Variants in PRKG1 observed in about 807,000 individuals in gnomAD.
PRKG1 encodes cGMP-dependent protein kinase 1.
Under a neutral mutation model 88.1 loss-of-function variants are expected in PRKG1, and 35 were observed. That is an observed-to-expected ratio of 0.40 (90% CI 0.30 to 0.53). The LOEUF is 0.53. Ranked by LOEUF, PRKG1 falls within the 20% of genes least tolerant of loss-of-function variation. The pLI is 0.59. For missense variants in PRKG1, 540 were observed against 839.8 expected (o/e 0.64, Z 4.41); for synonymous variants, 303 against 292.5 (o/e 1.04, Z -0.37).
At chr10:51,765,252 C>T in intron 3 of PRKG1, among the ~76,000 whole-genome samples, 1 of 152,146 alleles carries the variant, frequency 6.6e-6, no homozygotes, top group East Asian at 1.9e-4. Context: ...GCATGATAGA[C>T]AGTGCAGGAG....
intron 2 of PRKG1, among the ~76,000 whole-genome samples, chr10:51,248,768 A>C (rs970006311): frequency 6.6e-6 from 1 of 151,800 alleles, no homozygotes; most frequent in Non-Finnish European, 1.5e-5. Flanking sequence ...CAGTATAACA[A>C]ATTCTATGTC....
chr10:51,583,198 T>C (rs1838087043), intron 3 of PRKG1, among the ~76,000 whole-genome samples: 1 of 152,140 alleles, frequency 6.6e-6, no homozygotes, highest in Non-Finnish European at 1.5e-5. Flanking sequence ...CAAAACTGAG[T>C]GCAAAGAGAG....
chr10:51,633,604 T>C (rs564783232), intron 3 of PRKG1, among the ~76,000 whole-genome samples: 3 of 152,276 alleles, frequency 2.0e-5, no homozygotes, highest in South Asian at 4.1e-4. Context: ...ATCTTCATTA[T>C]GGGGATAGAA....
At chr10:51,217,379 G>A (rs1169747891) in intron 2 of PRKG1, among the ~76,000 whole-genome samples, 2 of 152,086 alleles carry the variant, frequency 1.3e-5, no homozygotes, top group African/African-American at 4.8e-5. Flanking sequence ...TAAGTTTGGT[G>A]TGGGGAAAAA....
intron 5 of PRKG1, among the ~76,000 whole-genome samples, chr10:51,970,666 G>A (rs1329999863): frequency 3.4e-5 from 5 of 145,238 alleles, no homozygotes; most frequent in Admixed American, 2.8e-4. Flanking sequence ...TGACCATATT[G>A]TATACATGAT....
intron 4 of PRKG1, among the ~76,000 whole-genome samples, chr10:51,884,128 T>G (rs970776763): frequency 6.6e-6 from 1 of 151,734 alleles, no homozygotes; most frequent in Non-Finnish European, 1.5e-5. Context: ...GTGATACTTT[T>G]GTTTGAATGA....
chr10:51,042,248 A>C (rs533276313), intron 1 of PRKG1, among the ~76,000 whole-genome samples: 2 of 152,324 alleles, frequency 1.3e-5, no homozygotes, highest in African/African-American at 4.8e-5. Flanking sequence ...CTCTCTCGTA[A>C]GAAAATGCTT....
chr10:52,012,263 A>G (rs1251126210), intron 5 of PRKG1, among the ~76,000 whole-genome samples: 3 of 130,856 alleles, frequency 2.3e-5, no homozygotes, highest in Admixed American at 7.5e-5. Flanking sequence ...TTTTTTTGAG[A>G]CAGGGTCTGA....
rs926979491 is a variant in PRKG1 at position 51,941,674 on chromosome 10, A to G, written c.762+34104A>G. ...TGTGTCCATCTGTTCTCATTGTTCA[A>G]TTCCCACCTATGAATAAGAACATGT... On this transcript the variant is annotated intron_variant, in intron 5 of 17. Transcript: ENST00000373980. Among the ~76,000 whole-genome samples, 6 of 142,450 alleles carry G rather than the reference A, an allele frequency of 4.2e-5. No homozygotes were observed. In the East Asian group the frequency reaches 8.1e-4, roughly 19 times the overall value. 93.5% of individuals were successfully genotyped at this position (142,450 alleles called of 152,430 possible).
At chr10:51,575,198 A>G (rs887565348) in intron 3 of PRKG1, among the ~76,000 whole-genome samples, 2 of 151,936 alleles carry the variant, frequency 1.3e-5, no homozygotes, top group Non-Finnish European at 2.9e-5. Context: ...CAAAGTGACA[A>G]GGGGGATCAC....
chr10:52,058,089 G>C (rs1252806066), intron 6 of PRKG1, among the ~76,000 whole-genome samples: 2 of 151,880 alleles, frequency 1.3e-5, no homozygotes, highest in Non-Finnish European at 2.9e-5. Context: ...TTTAATAAGA[G>C]TTTAGCAAAA....
chr10:52,062,675 A>T, intron 7 of PRKG1, 44 bp downstream of exon 7: 1 of 1,463,710 alleles, frequency 6.8e-7, no homozygotes, highest in Non-Finnish European at 9.4e-7. Flanking sequence ...TGAGTGCTAC[A>T]TAAATTTCTG....
intron 3 of PRKG1, among the ~76,000 whole-genome samples, chr10:51,521,335 G>A (rs1357167975): frequency 6.6e-6 from 1 of 152,108 alleles, no homozygotes; most frequent in Non-Finnish European, 1.5e-5. Context: ...CCGACACATA[G>A]CAGTTACTTA....
chr10:52,232,964 C>A (rs1236462416), intron 9 of PRKG1, among the ~76,000 whole-genome samples: 1 of 152,198 alleles, frequency 6.6e-6, no homozygotes, highest in African/African-American at 2.4e-5. Flanking sequence ...CAATCAGATA[C>A]TGTCTGTTCT....
chr10:51,960,331 G>A (rs1019026391), intron 5 of PRKG1, among the ~76,000 whole-genome samples: 5 of 152,016 alleles, frequency 3.3e-5, no homozygotes, highest in Admixed American at 2.0e-4. Flanking sequence ...AACTGGGTTA[G>A]TTTAACAGAC....
At chr10:51,707,918 A>T (rs1841649321) in intron 3 of PRKG1, among the ~76,000 whole-genome samples, 1 of 152,204 alleles carries the variant, frequency 6.6e-6, no homozygotes, top group African/African-American at 2.4e-5. Flanking sequence ...AGAAATTAGA[A>T]AACCTAAAAT....
chr10:51,282,367 A>C (rs1008329117), intron 2 of PRKG1, among the ~76,000 whole-genome samples: 3 of 152,104 alleles, frequency 2.0e-5, no homozygotes, highest in African/African-American at 7.2e-5. Context: ...ATATATATAT[A>C]TAGAGAGAGA....
At chr10:51,976,699 A>G (rs193166338) in intron 5 of PRKG1, among the ~76,000 whole-genome samples, 1 of 152,014 alleles carries the variant, frequency 6.6e-6, no homozygotes, top group East Asian at 1.9e-4. Flanking sequence ...TGGTTGTACA[A>G]CTCTTTGAAT....
At chr10:51,210,071 C>A (rs1219127165) in intron 2 of PRKG1, among the ~76,000 whole-genome samples, 2 of 152,002 alleles carry the variant, frequency 1.3e-5, no homozygotes, top group Non-Finnish European at 2.9e-5. Flanking sequence ...GGAAGTAAAG[C>A]ACTCCTCAGC....
Sources: gnomAD v4.1 joint callset for allele counts (sites outside exome capture counted in the v4.1 genomes callset) on GRCh38, gnomAD v4.1.1 for gene constraint, MANE v1.5 for transcripts, NCBI Gene and HGNC (gene_info 2026-07-23, HGNC 2026-07-21) for gene names.